The following KSR2 variants were observed in gnomAD, a reference collection of about 807,000 sequenced individuals.
The protein encoded by KSR2 is kinase suppressor of ras 2.
In KSR2, 25 loss-of-function variants were observed where a neutral mutation model predicts 107.8. The observed-to-expected ratio is 0.23, with a 90% CI of 0.17 to 0.32. KSR2 has a LOEUF of 0.32. KSR2 is among the 10% of genes least tolerant of loss of function. The pLI is 1.00. For missense variants in KSR2, 887 were observed against 1,268.9 expected, an observed-to-expected ratio of 0.70 and a Z score of 4.57; for synonymous variants, 480 against 507.0, an observed-to-expected ratio of 0.95 and a Z score of 0.71.
chr12:117,611,569 C>T (rs1049774941), intron 5 of KSR2, among the ~76,000 whole-genome samples: 16 of 151,822 alleles, frequency 1.1e-4, no homozygotes, highest in African/African-American at 1.5e-4. Flanking sequence ...TTGGGGAATA[C>T]GATGGGGAAA....
intron 5 of KSR2, among the ~76,000 whole-genome samples, chr12:117,614,833 TTC>T (rs926633651): frequency 1.3e-5 from 2 of 152,236 alleles, no homozygotes; most frequent in African/African-American, 4.8e-5. Context: ...TACTTTGATA[TTC>T]TCTGAGTGTT....
chr12:117,616,265 T>A (rs553766770), intron 5 of KSR2, among the ~76,000 whole-genome samples: 1 of 152,210 alleles, frequency 6.6e-6, no homozygotes, highest in African/African-American at 2.4e-5. Flanking sequence ...TCAATCAATT[T>A]GGAAAAAAAG....
At chr12:117,871,599 A>C (rs1893655582) in intron 1 of KSR2, among the ~76,000 whole-genome samples, 1 of 152,056 alleles carries the variant, frequency 6.6e-6, no homozygotes, top group Non-Finnish European at 1.5e-5. Flanking sequence ...CTGTCTCAAA[A>C]AAAAAAAAAA....
chr12:117,458,713 G>C lies in KSR2; in HGVS notation c.*8486C>G, dbSNP rs1870748329. 6.6e-6 allele frequency: 1 copy of C among 152,174 alleles called. No individual in the cohort carries two copies. The highest frequency in any genetic ancestry group is 2.4e-5 in the African/African-American group (1 of 41,456). The allele number at this position is 152,174 out of a possible 1,614,324, so 9.4% of individuals were successfully genotyped here. A position where few individuals can be genotyped will look rare whatever the true frequency, so the allele number is the denominator to read the frequency against. On this transcript the variant is annotated 3_prime_UTR_variant, in exon 20 of 20. Transcript: ENST00000339824. ...GGCAGTGGACAAGAAGGTACTCTCA[G>C]CCACCGAGCTGGTGATTAGAGGTAT...
At chr12:117,476,131 G>A (rs1241625423) in intron 17 of KSR2, among the ~76,000 whole-genome samples, 1 of 152,246 alleles carries the variant, frequency 6.6e-6, no homozygotes, top group Non-Finnish European at 1.5e-5. Flanking sequence ...AATTTGTTAT[G>A]TAGTAATAAT....
intron 3 of KSR2, among the ~76,000 whole-genome samples, chr12:117,762,990 T>C (rs1016990513): frequency 2.0e-5 from 3 of 152,180 alleles, no homozygotes; most frequent in African/African-American, 4.8e-5. Context: ...GCTGCACTCA[T>C]TAACTCGTCA....
At chr12:117,746,235 T>C (rs1455999880) in intron 4 of KSR2, among the ~76,000 whole-genome samples, 2 of 151,980 alleles carry the variant, frequency 1.3e-5, no homozygotes, top group Non-Finnish European at 2.9e-5. Context: ...AAAACAGATA[T>C]ATAGACCAAT....
intron 1 of KSR2, among the ~76,000 whole-genome samples, chr12:117,883,842 C>T (rs1014941878): frequency 6.9e-6 from 1 of 145,148 alleles, no homozygotes; most frequent in Admixed American, 7.1e-5. Flanking sequence ...TACCACTGCA[C>T]TCCAGCCTGG....
intron 4 of KSR2, among the ~76,000 whole-genome samples, chr12:117,742,243 T>C (rs951930575): frequency 1.3e-5 from 2 of 152,254 alleles, no homozygotes; most frequent in Non-Finnish European, 2.9e-5. Context: ...GATAACTGAA[T>C]GCATTGCATG....
intron 7 of KSR2, among the ~76,000 whole-genome samples, chr12:117,564,053 C>G (rs978953018): frequency 7.2e-5 from 11 of 152,168 alleles, no homozygotes; most frequent in African/African-American, 2.7e-4. Context: ...CCCCATGGCT[C>G]TCACACCAAA....
chr12:117,791,933 T>C lies in KSR2; in HGVS notation c.473-30409A>G, dbSNP rs138733615. ...TTCTCTCTACTCCCAAAAAACAGAT[T>C]GCACAGCACTATGCCCACAATGAGT... is the stretch of plus-strand genomic sequence containing the variant. On this transcript the variant is annotated intron_variant, in intron 3 of 19. Coordinates refer to ENST00000339824, the MANE Select transcript of KSR2 (RefSeq NM_173598.6). 9.8e-4 allele frequency among the ~76,000 whole-genome samples: 149 copies of C among 152,330 alleles called. 1 individual carries two copies. Among genetic ancestry groups the C allele is most frequent in the Admixed American group, 4.6e-3 (71 of 15,302 alleles).
intron 4 of KSR2, among the ~76,000 whole-genome samples, chr12:117,723,436 T>C (rs1258995398): frequency 1.3e-5 from 2 of 152,112 alleles, no homozygotes; most frequent in Non-Finnish European, 2.9e-5. Context: ...GTAGATATTA[T>C]CAACTCCATT....
intron 13 of KSR2, among the ~76,000 whole-genome samples, chr12:117,525,836 A>G (rs921085514): frequency 1.3e-5 from 2 of 152,248 alleles, no homozygotes; most frequent in African/African-American, 2.4e-5. Flanking sequence ...GCTACAAGCT[A>G]GCTGTCTGAG....
At chr12:117,541,530 A>G (rs1876492936) in intron 9 of KSR2, among the ~76,000 whole-genome samples, 1 of 152,236 alleles carries the variant, frequency 6.6e-6, no homozygotes, top group African/African-American at 2.4e-5. Context: ...TCTCAAAGCC[A>G]GCAGAGCTAA....
In KSR2 at chr12:117,527,009, C is replaced by T. The variant is rs16947679; in HGVS notation, c.1851+62G>A. 6.0e-3 allele frequency: 8,646 copies of T among 1,431,766 alleles called. 451 individuals are homozygous for T. The African/African-American group carries it at 0.11, about 18-fold the overall frequency. The allele number at this position is 1,431,766 out of a possible 1,614,324, so 88.7% of individuals were successfully genotyped here. ...CCTCTGCGTCATCCAAAACGTCAGT[C>T]GGCTTTGCCAAGTTCTGGGCAGTCC... On this transcript the variant is annotated intron_variant, in intron 13 of 19. Coordinates refer to ENST00000339824, the MANE Select transcript of KSR2 (RefSeq NM_173598.6).
At chr12:117,740,103 C>A (rs1257001053) in intron 4 of KSR2, among the ~76,000 whole-genome samples, 3 of 150,874 alleles carry the variant, frequency 2.0e-5, no homozygotes, top group Non-Finnish European at 4.4e-5. Flanking sequence ...TCCCGAGTCC[C>A]AAAAGTTCAT....
intron 3 of KSR2, among the ~76,000 whole-genome samples, chr12:117,848,327 C>T (rs898962641): frequency 6.6e-6 from 1 of 152,206 alleles, no homozygotes; most frequent in Admixed American, 6.5e-5. Context: ...CCCTGCTGTC[C>T]TCAGACGCTG....
chr12:117,736,001 G>A (rs1020975986), intron 4 of KSR2, among the ~76,000 whole-genome samples: 3 of 152,248 alleles, frequency 2.0e-5, no homozygotes, highest in Admixed American at 6.5e-5. Flanking sequence ...AAGTCATACC[G>A]GGATCCATGA....
At chr12:117,835,583 C>T (rs1377002439) in intron 3 of KSR2, among the ~76,000 whole-genome samples, 2 of 152,086 alleles carry the variant, frequency 1.3e-5, no homozygotes, top group East Asian at 1.9e-4. Flanking sequence ...GTTCCTGGAG[C>T]GCTTAGGATC....
Sources: gnomAD v4.1 joint callset for allele counts (sites outside exome capture counted in the v4.1 genomes callset) on GRCh38, gnomAD v4.1.1 for gene constraint, MANE v1.5 for transcripts, NCBI Gene and HGNC (gene_info 2026-07-23, HGNC 2026-07-21) for gene names.